The following AGBL4 variants were observed in gnomAD, a reference collection of about 807,000 sequenced individuals.
AGBL4 encodes AGBL carboxypeptidase 4, also known as cytosolic carboxypeptidase 6.
Under a neutral mutation model 66.4 loss-of-function variants are expected in AGBL4, and 58 were observed. The ratio of observed to expected loss-of-function variants is 0.87; its 90% CI spans 0.71 to 1.09. The LOEUF (loss-of-function observed/expected upper bound fraction) is 1.09, where lower values mean the gene tolerates loss of function less well. Ranked by LOEUF, AGBL4 falls within the 50% of genes least tolerant of loss-of-function variation. AGBL4 has a pLI of 0.00. For missense variants in AGBL4, 579 were observed against 631.0 expected, an observed-to-expected ratio of 0.92 and a Z score of 0.88; for synonymous variants, 234 against 222.9, an observed-to-expected ratio of 1.05 and a Z score of -0.44.
intron 8 of AGBL4, among the ~76,000 whole-genome samples, chr1:48,636,434 A>G (rs1645669207): frequency 6.6e-6 from 1 of 152,222 alleles, no homozygotes; most frequent in Admixed American, 6.5e-5. Context: ...AACATTTTAC[A>G]GAGGAGAAAA....
chr1:49,925,670 C>T (rs1347359302), intron 1 of AGBL4, among the ~76,000 whole-genome samples: 1 of 152,176 alleles, frequency 6.6e-6, no homozygotes, highest in Admixed American at 6.5e-5. Context: ...GAGCCCTACA[C>T]CTGGCAAAAT....
At chr1:48,531,081 A>G (rs1047049566), downstream of AGBL4, among the ~76,000 whole-genome samples, 2 of 152,116 alleles carry the variant, frequency 1.3e-5, no homozygotes, top group African/African-American at 4.8e-5. Flanking sequence ...AAGACCACAC[A>G]GAGGGCTGCT....
chr1:49,852,862 C>A (rs1646340148), intron 1 of AGBL4, among the ~76,000 whole-genome samples: 1 of 151,846 alleles, frequency 6.6e-6, no homozygotes, highest in Non-Finnish European at 1.5e-5. Flanking sequence ...CCAGCCCCTT[C>A]CCTCAAAAAT....
chr1:48,753,150 A>G (rs898539328), intron 6 of AGBL4, among the ~76,000 whole-genome samples: 61 of 152,376 alleles, frequency 4.0e-4, no homozygotes, highest in African/African-American at 1.4e-3. Flanking sequence ...GCCCGAGGCA[A>G]CAAAATTTGA....
chr1:49,770,620 A>G (rs748234714), intron 2 of AGBL4, among the ~76,000 whole-genome samples: 23 of 152,202 alleles, frequency 1.5e-4, no homozygotes, highest in Non-Finnish European at 2.8e-4. Context: ...TATTGCTAGA[A>G]TTCAGCAGTG....
chr1:49,826,109 T>A (rs1006258520), intron 2 of AGBL4, among the ~76,000 whole-genome samples: 1 of 152,168 alleles, frequency 6.6e-6, no homozygotes, highest in Non-Finnish European at 1.5e-5. Flanking sequence ...TTTGTGTAAA[T>A]TGATAAGCTT....
chr1:49,485,306 A>G (rs922592918), intron 3 of AGBL4, among the ~76,000 whole-genome samples: 1 of 151,924 alleles, frequency 6.6e-6, no homozygotes, highest in African/African-American at 2.4e-5. Flanking sequence ...TGTCCTTTGT[A>G]GGAACATGGA....
chr1:49,317,366 T>A (rs2148470874), intron 3 of AGBL4, among the ~76,000 whole-genome samples: 1 of 152,044 alleles, frequency 6.6e-6, no homozygotes, highest in South Asian at 2.1e-4. Flanking sequence ...TTTTGTGGAA[T>A]AAGTGAGACA....
chr1:48,665,859 A>C (rs192453490), intron 6 of AGBL4, among the ~76,000 whole-genome samples: 8 of 152,352 alleles, frequency 5.3e-5, no homozygotes, highest in Admixed American at 5.2e-4. Context: ...AATGGCACTA[A>C]GGAGGCCCTT....
At chr1:49,418,672 C>T in intron 3 of AGBL4, among the ~76,000 whole-genome samples, 1 of 152,090 alleles carries the variant, frequency 6.6e-6, no homozygotes, top group East Asian at 1.9e-4. Flanking sequence ...CCTGTGATCC[C>T]CCCTGTGCTT....
chr1:48,831,456 T>C (rs1293116287), intron 6 of AGBL4, among the ~76,000 whole-genome samples: 1 of 152,222 alleles, frequency 6.6e-6, no homozygotes, highest in Non-Finnish European at 1.5e-5. Context: ...AGTTCGACTA[T>C]TACTTCCTTT....
intron 6 of AGBL4, among the ~76,000 whole-genome samples, chr1:48,768,090 C>G (rs1174053803): frequency 6.6e-6 from 1 of 152,182 alleles, no homozygotes; most frequent in African/African-American, 2.4e-5. Context: ...AATACAGGCC[C>G]TGTTCCTATC....
chr1:48,607,442 A>T (rs543341689), intron 9 of AGBL4, among the ~76,000 whole-genome samples: 1 of 152,138 alleles, frequency 6.6e-6, no homozygotes, highest in South Asian at 2.1e-4. Context: ...TCATGATGAA[A>T]TCCCATTTCT....
chr1:49,931,991 C>T (rs1251931977), intron 1 of AGBL4, among the ~76,000 whole-genome samples: 1 of 152,002 alleles, frequency 6.6e-6, no homozygotes, highest in South Asian at 2.1e-4. Flanking sequence ...TCAAGAAAAA[C>T]GTTTAGAGGA....
intron 7 of AGBL4, among the ~76,000 whole-genome samples, chr1:48,657,613 C>T (rs1430948904): frequency 6.6e-6 from 1 of 152,170 alleles, no homozygotes; most frequent in East Asian, 1.9e-4. Context: ...TGCAGGGGCT[C>T]TGCAGCGGCC....
At chr1:49,844,839 G>C in intron 2 of AGBL4, 1 of 1,514,900 alleles carries the variant, frequency 6.6e-7, no homozygotes, top group Non-Finnish European at 9.2e-7. Flanking sequence ...ACTGGGAATG[G>C]AGTTGTGAGA....
At chr1:49,356,802 A>G (rs952142687) in intron 3 of AGBL4, among the ~76,000 whole-genome samples, 2 of 152,182 alleles carry the variant, frequency 1.3e-5, no homozygotes, top group African/African-American at 2.4e-5. Flanking sequence ...AGTCATTTCC[A>G]TTTAAACAAA....
At chr1:49,929,220 C>T (rs1653088903) in intron 1 of AGBL4, among the ~76,000 whole-genome samples, 1 of 151,996 alleles carries the variant, frequency 6.6e-6, no homozygotes, top group Non-Finnish European at 1.5e-5. Context: ...GGCTCACTTC[C>T]TGGGTGACAG....
intron 5 of AGBL4, among the ~76,000 whole-genome samples, chr1:48,918,022 G>T (rs552657118): frequency 6.6e-6 from 1 of 152,304 alleles, no homozygotes; most frequent in African/African-American, 2.4e-5. Flanking sequence ...ATGAGTCAAG[G>T]GTAAAGGCAG....
Sources: gnomAD v4.1 joint callset for allele counts (sites outside exome capture counted in the v4.1 genomes callset) on GRCh38, gnomAD v4.1.1 for gene constraint, MANE v1.5 for transcripts, NCBI Gene and HGNC (gene_info 2026-07-23, HGNC 2026-07-21) for gene names.